The following HRH1 variants were observed in gnomAD, a reference collection of about 807,000 sequenced individuals.
The protein encoded by HRH1 is histamine receptor H1.
In HRH1, 6 loss-of-function variants were observed where a neutral mutation model predicts 10.3. The observed-to-expected ratio is 0.58, with a 90% CI of 0.32 to 1.15. HRH1 has a LOEUF of 1.15. Among genes scored for constraint, HRH1 ranks in the 50% most tolerant of loss-of-function variants. The pLI is 0.05. For synonymous variants in HRH1, 242 were observed against 236.7 expected (o/e 1.02, Z -0.21); for missense variants, 514 against 615.3 (o/e 0.84, Z 1.74).
intron 1 of HRH1, among the ~76,000 whole-genome samples, chr3:11,176,439 C>G (rs1005546450): frequency 6.6e-6 from 1 of 152,088 alleles, no homozygotes; most frequent in African/African-American, 2.4e-5. Context: ...ACACCCCGCC[C>G]CATTGTGCAC....
At chr3:11,214,563 A>C (rs1042181513) in intron 1 of HRH1, among the ~76,000 whole-genome samples, 4 of 152,228 alleles carry the variant, frequency 2.6e-5, no homozygotes, top group Admixed American at 1.3e-4. Flanking sequence ...AGAAAGACTG[A>C]ATGGTGAGCT....
chr3:11,214,341 A>G (rs1006161196), intron 1 of HRH1, among the ~76,000 whole-genome samples: 1 of 152,228 alleles, frequency 6.6e-6, no homozygotes, highest in African/African-American at 2.4e-5. Flanking sequence ...TTGGCAAGTC[A>G]CAGCCTTCCT....
At chr3:11,233,462 T>C (rs1466427886) in intron 1 of HRH1, among the ~76,000 whole-genome samples, 2 of 152,150 alleles carry the variant, frequency 1.3e-5, no homozygotes, top group Non-Finnish European at 2.9e-5. Context: ...TCCTTTTAAT[T>C]GAATACTTAG....
In HRH1 at chr3:11,212,356, T is replaced by G. The variant is rs115848673; in HGVS notation, c.-35-46647T>G. Among the ~76,000 whole-genome samples the G allele has an allele frequency of 2.5e-3, 384 of 152,354 alleles. 2 individuals carry two copies. The highest frequency in any genetic ancestry group is 8.9e-3 in the African/African-American group (371 of 41,586). On this transcript the variant is annotated intron_variant, in intron 1 of 1. Coordinates refer to ENST00000431010, the MANE Select transcript of HRH1 (RefSeq NM_001098212.2). ...TTCTTTTCCAGTCTGGGCACAATTT[T>G]CATTTCTCTCTGGTGAGTCATTGCA...
chr3:11,153,677 G>A (rs916800536), upstream of HRH1, among the ~76,000 whole-genome samples: 1 of 152,054 alleles, frequency 6.6e-6, no homozygotes, highest in Non-Finnish European at 1.5e-5. Flanking sequence ...TCCCAGCTCT[G>A]GAAATGAAGG....
chr3:11,225,350 G>A (rs1459093798), intron 1 of HRH1, among the ~76,000 whole-genome samples: 2 of 152,220 alleles, frequency 1.3e-5, no homozygotes, highest in African/African-American at 4.8e-5. Flanking sequence ...GAGTCGGAGA[G>A]AGGGACAGAC....
At position 11,202,814 on chromosome 3, in the gene HRH1, T is replaced by A. The variant is rs1401441490; in HGVS notation, c.-36+48260T>A. Among the ~76,000 whole-genome samples the A allele has an allele frequency of 2.0e-5, 3 of 152,218 alleles. 1 individual carries two copies. The East Asian group carries it at 5.8e-4, about 29-fold the overall frequency. On this transcript the variant is annotated intron_variant, in intron 1 of 1. Transcript: ENST00000431010. ...TGAGGGCTCCCTCTTGATGTTGCAC[T>A]TTCTGTGGGTTTGGACAAATGGATA... is the stretch of plus-strand genomic sequence containing the variant.
At chr3:11,211,035 A>C (rs1398191744) in intron 1 of HRH1, among the ~76,000 whole-genome samples, 3 of 152,238 alleles carry the variant, frequency 2.0e-5, no homozygotes, top group Non-Finnish European at 4.4e-5. Flanking sequence ...GCTCTTAAAG[A>C]ACTTACCTTC....
chr3:11,188,403 A>G (rs1937484616), intron 1 of HRH1, among the ~76,000 whole-genome samples: 1 of 152,104 alleles, frequency 6.6e-6, no homozygotes, highest in South Asian at 2.1e-4. Flanking sequence ...GGAGTTCGAG[A>G]CCAGCCTGGC....
rs1172104809 is a variant in HRH1, at chr3:11,259,904, C to G, written c.867C>G (p.Phe289Leu). 6.2e-7 allele frequency: 1 copy of G among 1,614,150 alleles called. No individual in the cohort carries two copies. The highest frequency in any genetic ancestry group is 8.5e-7 in the Non-Finnish European group (1 of 1,180,028). Residue 289 changes from phenylalanine to leucine, a missense_variant, in exon 2 of 2, where the codon TTC becomes TTG. By Grantham distance (22) the Phe-to-Leu change is conservative. Transcript: ENST00000431010. This position sits in a 1 kb window ranked among gnomAD's most constrained non-coding sequence, Gnocchi z 4.6. The part of the protein sequence containing the change: ...TPKEMKSPVV[F>L]SQEDDREVDK... ...AGGAGATGAAATCCCCAGTTGTCTT[C>G]AGCCAAGAGGATGATAGAGAAGTAG... is the stretch of plus-strand genomic sequence containing the variant.
At chr3:11,180,948 TACACACACACACACACACACACACAC>T (rs71055851) in intron 1 of HRH1, among the ~76,000 whole-genome samples, 9 of 121,042 alleles carry the variant, frequency 7.4e-5, no homozygotes, top group Admixed American at 8.9e-5. Context: ...CTCTCAGGCA[TACACACACACACACACACACACACAC>T]ACACACACAC....
At chr3:11,227,078 C>T (rs1435101940) in intron 1 of HRH1, among the ~76,000 whole-genome samples, 1 of 151,988 alleles carries the variant, frequency 6.6e-6, no homozygotes, top group Non-Finnish European at 1.5e-5. Flanking sequence ...GAGGCCAAAA[C>T]CAGGAGCAGA....
At chr3:11,171,443 C>G (rs535110111) in intron 1 of HRH1, among the ~76,000 whole-genome samples, 3 of 152,172 alleles carry the variant, frequency 2.0e-5, no homozygotes, top group African/African-American at 7.2e-5. Context: ...ACTGCCCATT[C>G]ATTCTCTGGG....
chr3:11,221,786 A>G (rs2125040179), intron 1 of HRH1, among the ~76,000 whole-genome samples: 1 of 151,870 alleles, frequency 6.6e-6, no homozygotes, highest in South Asian at 2.1e-4. Context: ...CCACCATTCC[A>G]CTTTTTATCT....
chr3:11,210,989 G>C (rs977455164), intron 1 of HRH1, among the ~76,000 whole-genome samples: 2 of 152,074 alleles, frequency 1.3e-5, no homozygotes, highest in Non-Finnish European at 2.9e-5. Flanking sequence ...TATGTGCAAG[G>C]CATCAAAATA....
At chr3:11,230,185 CA>C (rs1423554503) in intron 1 of HRH1, among the ~76,000 whole-genome samples, 1 of 152,158 alleles carries the variant, frequency 6.6e-6, no homozygotes, top group Non-Finnish European at 1.5e-5. Flanking sequence ...TGGGTAGGTT[CA>C]GGGGAAGATG....
intron 1 of HRH1, among the ~76,000 whole-genome samples, chr3:11,168,641 G>A (rs1040489038): frequency 1.3e-5 from 2 of 152,220 alleles, no homozygotes; most frequent in African/African-American, 4.8e-5. Context: ...TTGTGCCTGC[G>A]TCCTGGGGCA....
At chr3:11,163,171 T>C (rs1251455529) in intron 1 of HRH1, among the ~76,000 whole-genome samples, 2 of 152,134 alleles carry the variant, frequency 1.3e-5, no homozygotes, top group African/African-American at 2.4e-5. Flanking sequence ...TCCTCCCCAC[T>C]GTGCATCACC....
chr3:11,203,342 A>C (rs759945776), intron 1 of HRH1, among the ~76,000 whole-genome samples: 12 of 152,158 alleles, frequency 7.9e-5, no homozygotes, highest in Non-Finnish European at 1.8e-4. Flanking sequence ...TGTCTTCCAA[A>C]ATGGCTGTAC....
Sources: allele counts gnomAD v4.1 joint callset (sites outside exome capture counted in the v4.1 genomes callset), GRCh38; gene constraint gnomAD v4.1.1; non-coding constraint Gnocchi (gnomAD v3.1); transcripts MANE v1.5; gene names NCBI Gene and HGNC (gene_info 2026-07-23, HGNC 2026-07-21).